The following PPP3CA variants were observed in gnomAD, a reference collection of about 807,000 sequenced individuals.
PPP3CA encodes CAM-PRP catalytic subunit.
A neutral mutation model predicts 66.5 loss-of-function variants in PPP3CA; 14 were observed. That is an observed-to-expected ratio of 0.21 (90% CI 0.14 to 0.33). The LOEUF (loss-of-function observed/expected upper bound fraction) is 0.33. Ranked by LOEUF, PPP3CA falls within the 10% of genes least tolerant of loss-of-function variation. The probability of loss-of-function intolerance (pLI) is 1.00; values close to 1 mark genes in which losing one functional copy is unlikely to be tolerated. For synonymous variants in PPP3CA, 232 were observed against 226.2 expected, an observed-to-expected ratio of 1.03 and a Z score of -0.23; for missense variants, 317 against 639.5, an observed-to-expected ratio of 0.50 and a Z score of 5.44.
chr4:101,061,925 G>C (rs1728480622), intron 9 of PPP3CA, among the ~76,000 whole-genome samples: 1 of 151,904 alleles, frequency 6.6e-6, no homozygotes, highest in Non-Finnish European at 1.5e-5. Flanking sequence ...TTCTTTGAGA[G>C]CTACTTTTTA....
intron 2 of PPP3CA, among the ~76,000 whole-genome samples, chr4:101,156,730 C>A (rs1560631505): frequency 6.6e-6 from 1 of 151,868 alleles, no homozygotes; most frequent in Admixed American, 6.6e-5. Flanking sequence ...AAGAACAAAG[C>A]AATTTGGCTA....
chr4:101,208,220 G>A (rs944721078), intron 1 of PPP3CA, among the ~76,000 whole-genome samples: 2 of 151,522 alleles, frequency 1.3e-5, no homozygotes, highest in African/African-American at 2.4e-5. Flanking sequence ...GATATGTTAA[G>A]TGAAAAGTAA....
chr4:101,097,579 T>C (rs1009909459), intron 5 of PPP3CA, among the ~76,000 whole-genome samples: 1 of 152,182 alleles, frequency 6.6e-6, no homozygotes, highest in African/African-American at 2.4e-5. Context: ...TTTCTCCCTT[T>C]GGTCCGATTT....
chr4:101,297,075 G>A (rs1310352843), intron 1 of PPP3CA, among the ~76,000 whole-genome samples: 1 of 152,198 alleles, frequency 6.6e-6, no homozygotes. Context: ...TTCAGAGACA[G>A]TAGCAAATAA....
chr4:101,061,972 T>C (rs1054542977), intron 9 of PPP3CA, among the ~76,000 whole-genome samples: 2 of 152,052 alleles, frequency 1.3e-5, no homozygotes, highest in Admixed American at 6.6e-5. Flanking sequence ...CCTTCTAGAA[T>C]TGAAGATGAA....
At chr4:101,130,310 A>G (rs558547582) in intron 2 of PPP3CA, among the ~76,000 whole-genome samples, 24 of 152,172 alleles carry the variant, frequency 1.6e-4, no homozygotes, top group Non-Finnish European at 2.2e-4. Context: ...GAATGGAACC[A>G]AGTTGGAAAA....
intron 11 of PPP3CA, 40 bp from the exon 12 acceptor site, chr4:101,032,404 C>G (rs1381528764): frequency 3.3e-6 from 5 of 1,526,334 alleles, no homozygotes; most frequent in Non-Finnish European, 4.5e-6. Flanking sequence ...CTTTTAATTT[C>G]TTTTGTGAAA....
At chr4:101,151,702 G>GGCAACTGGAGTTGCCA (rs1723146955) in intron 2 of PPP3CA, among the ~76,000 whole-genome samples, 2 of 115,012 alleles carry the variant, frequency 1.7e-5, no homozygotes, top group African/African-American at 6.9e-5. Flanking sequence ...TGTTGCCCAG[G>GGCAACTGGAGTTGCCA]CTGGAGTGCA....
intron 1 of PPP3CA, among the ~76,000 whole-genome samples, chr4:101,327,604 T>C (rs1729247102): frequency 6.6e-6 from 1 of 152,222 alleles, no homozygotes; most frequent in African/African-American, 2.4e-5. Context: ...TTTACTTTGA[T>C]ATTCCTATTT....
At chr4:101,239,205 T>C (rs1726222909) in intron 1 of PPP3CA, among the ~76,000 whole-genome samples, 1 of 152,138 alleles carries the variant, frequency 6.6e-6, no homozygotes, top group Admixed American at 6.6e-5. Context: ...CATCTCACCC[T>C]TCTCAGAAGC....
chr4:101,192,406 C>G (rs1724635927), intron 2 of PPP3CA, among the ~76,000 whole-genome samples: 1 of 152,222 alleles, frequency 6.6e-6, no homozygotes, highest in South Asian at 2.1e-4. Flanking sequence ...AACTCTCCTG[C>G]TCAAAGATCC....
chr4:101,086,890 G>A (rs1268487063), intron 6 of PPP3CA, among the ~76,000 whole-genome samples: 2 of 152,194 alleles, frequency 1.3e-5, no homozygotes, highest in Non-Finnish European at 2.9e-5. Context: ...CTCAATTGCT[G>A]AAGTAGCTTC....
intron 4 of PPP3CA, 81 bp from the exon 5 acceptor site, chr4:101,098,593 T>C: frequency 5.9e-6 from 8 of 1,363,232 alleles, no homozygotes; most frequent in Non-Finnish European, 8.0e-6. Context: ...TTTGAGAAGT[T>C]TTCTTGCTAG....
Position 101,306,892 on chromosome 4 carries a change from T to C in PPP3CA, c.58+39847A>G, listed in dbSNP as rs544663396. 5.9e-5 allele frequency among the ~76,000 whole-genome samples: 9 copies of C among 152,222 alleles called. No individual in the cohort carries two copies. The South Asian group carries it at 6.2e-4, about 11-fold the overall frequency. ...AAGATGTGAGAATTACAGCACAGAATAGGCAAGACAAAAACAGTGAGTCCA... is the reference window on the plus strand; with the variant it reads ...AAGATGTGAGAATTACAGCACAGAACAGGCAAGACAAAAACAGTGAGTCCA... On this transcript the variant is annotated intron_variant, in intron 1 of 13. Transcript: ENST00000394854.
At chr4:101,226,896 A>C (rs1725800175) in intron 1 of PPP3CA, among the ~76,000 whole-genome samples, 1 of 151,730 alleles carries the variant, frequency 6.6e-6, no homozygotes, top group African/African-American at 2.4e-5. Context: ...AAAAGAGAAC[A>C]GATTTACAAC....
At chr4:101,267,023 A>T (rs901871266) in intron 1 of PPP3CA, among the ~76,000 whole-genome samples, 2 of 152,296 alleles carry the variant, frequency 1.3e-5, no homozygotes, top group Non-Finnish European at 2.9e-5. Flanking sequence ...GACCACTGAT[A>T]GGGCCATGGT....
At chr4:101,180,969 T>G (rs1724218474) in intron 2 of PPP3CA, among the ~76,000 whole-genome samples, 1 of 152,066 alleles carries the variant, frequency 6.6e-6, no homozygotes, top group Admixed American at 6.6e-5. Flanking sequence ...GGAGGGTCGC[T>G]TTAGCCCAGG....
chr4:101,339,552 T>C (rs1009525101), intron 1 of PPP3CA, among the ~76,000 whole-genome samples: 5 of 152,176 alleles, frequency 3.3e-5, no homozygotes, highest in Admixed American at 6.5e-5. Context: ...CATGCCCTGA[T>C]TGGGCTGGAG....
intron 1 of PPP3CA, among the ~76,000 whole-genome samples, chr4:101,312,324 T>A (rs952237589): frequency 2.6e-5 from 4 of 152,158 alleles, no homozygotes; most frequent in African/African-American, 9.6e-5. Context: ...CATCATAAAG[T>A]CAAAAGACTC....
Sources: allele counts gnomAD v4.1 joint callset (sites outside exome capture counted in the v4.1 genomes callset), GRCh38; gene constraint gnomAD v4.1.1; transcripts MANE v1.5; gene names NCBI Gene and HGNC (gene_info 2026-07-23, HGNC 2026-07-21).